The following TMEM106B variants were observed in gnomAD, a reference collection of about 807,000 sequenced individuals.
The protein encoded by TMEM106B is transmembrane protein 106B.
TMEM106B carries 15 observed loss-of-function variants against 31.1 expected under a neutral mutation model. The observed-to-expected ratio is 0.48, with a 90% CI of 0.32 to 0.74. The LOEUF is 0.74. TMEM106B is among the 30% of genes least tolerant of loss of function. TMEM106B has a pLI of 0.03. For synonymous variants in TMEM106B, 126 were observed against 112.5 expected, an observed-to-expected ratio of 1.12 and a Z score of -0.76; for missense variants, 283 against 327.3, an observed-to-expected ratio of 0.86 and a Z score of 1.04.
At position 12,243,215 on chromosome 7, in the gene TMEM106B, T is replaced by C. The variant is rs935914208; in HGVS notation, c.*11240T>C. ...TTAAAAAGTCAGTTCAGGCTTAATA[T>C]ATATGACTACTATAAGTCAACCTCA... On this transcript the variant is annotated 3_prime_UTR_variant, in exon 8 of 8. Transcript: ENST00000396668. 1 of 152,130 alleles carries C rather than the reference T, an allele frequency of 6.6e-6. No homozygotes were observed. Among genetic ancestry groups the C allele is most frequent in the African/African-American group, 2.4e-5 (1 of 41,448 alleles). 9.4% of individuals were successfully genotyped at this position (152,130 alleles called of 1,614,324 possible).
intron 4 of TMEM106B, among the ~76,000 whole-genome samples, chr7:12,227,861 C>T (rs2128526819): frequency 6.6e-6 from 1 of 151,774 alleles, no homozygotes; most frequent in South Asian, 2.1e-4. Context: ...TGTCTTAATT[C>T]TCATAAGGAT....
intron 1 of TMEM106B, among the ~76,000 whole-genome samples, chr7:12,212,492 A>G (rs1379091244): frequency 1.0e-5 from 1 of 99,754 alleles, no homozygotes; most frequent in Non-Finnish European, 2.3e-5. Flanking sequence ...ATAAATACAT[A>G]GTTTTTTTTT....
In TMEM106B at chr7:12,214,957, A is replaced by G. The variant is rs527426203; in HGVS notation, c.147A>G (p.Pro49=). The change falls in exon 2 of 8, where the codon CCA becomes CCG. Residue 49 remains proline (P), a synonymous_variant. Transcript: ENST00000396668. ...DGRNGDVSQF[P]YVEFTGRDSV... ...GAAATGGAGATGTCTCTCAGTTTCCATATGTGGAATTTACAGGAAGAGATA... is the reference window on the plus strand; with the variant it reads ...GAAATGGAGATGTCTCTCAGTTTCCGTATGTGGAATTTACAGGAAGAGATA... 38 of 1,614,088 alleles carry G rather than the reference A, an allele frequency of 2.4e-5. No individual in the cohort carries two copies. The South Asian group carries it at 3.5e-4, about 15-fold the overall frequency.
rs1429686122 is a variant in TMEM106B at position 12,242,330 on chromosome 7, G to A, written c.*10355G>A. On this transcript the variant is annotated 3_prime_UTR_variant, in exon 8 of 8. Transcript: ENST00000396668. ...GGGGCTTGCAGCGAGCCGAGATTGCGCCACTGCAGTCCGCAGTCCGGCCTG... is the reference window on the plus strand; with the variant it reads ...GGGGCTTGCAGCGAGCCGAGATTGCACCACTGCAGTCCGCAGTCCGGCCTG... The A allele has an allele frequency of 1.5e-4, 5 of 32,934 alleles. 2 individuals carry two copies. The East Asian group carries it at 8.4e-3, about 56-fold the overall frequency. The allele number at this position is 32,934 out of a possible 1,614,324, so 2.0% of individuals were successfully genotyped here. A position where few individuals can be genotyped will look rare whatever the true frequency, so the allele number is the denominator to read the frequency against.
rs1782133597 is a variant in TMEM106B, at chr7:12,236,303, G to T, written c.*4328G>T. 1 of 151,842 alleles carries T rather than the reference G, an allele frequency of 6.6e-6. No individual in the cohort carries two copies. The highest frequency in any genetic ancestry group is 6.6e-5 in the Admixed American group (1 of 15,232). 9.4% of individuals were successfully genotyped at this position (151,842 alleles called of 1,614,324 possible). A position where few individuals can be genotyped will look rare whatever the true frequency, so the allele number is the denominator to read the frequency against. On this transcript the variant is annotated 3_prime_UTR_variant, in exon 8 of 8. Transcript: ENST00000396668. ...TAAAGTTACTAAAGAGATAAAAATG[G>T]TAATTTCCATTTTTAAAAGTAATTT...
At chr7:12,225,701 A>G (rs1475378997) in intron 4 of TMEM106B, among the ~76,000 whole-genome samples, 1 of 151,994 alleles carries the variant, frequency 6.6e-6, no homozygotes, top group Non-Finnish European at 1.5e-5. Context: ...TCCTTCGCCC[A>G]CTTTTTGATG....
chr7:12,215,882 C>CGGGA (rs1781677392), intron 2 of TMEM106B: 1 of 162,480 alleles, frequency 6.2e-6, no homozygotes, highest in South Asian at 2.0e-4. Context: ...GAAATAATCC[C>CGGGA]CTGTGTGCTG....
rs1782080674 is a variant in TMEM106B, at chr7:12,234,009, A to AG, written c.*2035dup. The AG allele has an allele frequency of 6.6e-6, 1 of 151,718 alleles. No homozygotes were observed. Among genetic ancestry groups the AG allele is most frequent in the Admixed American group, 6.6e-5 (1 of 15,202 alleles). The allele number at this position is 151,718 out of a possible 1,614,324, so 9.4% of individuals were successfully genotyped here. A position where few individuals can be genotyped will look rare whatever the true frequency, so the allele number is the denominator to read the frequency against. ...TAGTGACTGTGTAAAATAAAAAAAA[A>AG]GTTATTTTATCATATCCTTTCTATT... is the stretch of plus-strand genomic sequence containing the variant. On this transcript the variant is annotated 3_prime_UTR_variant, in exon 8 of 8. Transcript: ENST00000396668.
chr7:12,216,051 A>T (rs901367575), intron 2 of TMEM106B, among the ~76,000 whole-genome samples: 4 of 152,206 alleles, frequency 2.6e-5, no homozygotes, highest in South Asian at 4.1e-4. Context: ...CCTTTTTAAG[A>T]TGCTTAAAAT....
Position 12,231,989 on chromosome 7 carries a change from T to C in TMEM106B, c.*14T>C, listed in dbSNP as rs755591210. The C allele has an allele frequency of 1.2e-6, 2 of 1,607,324 alleles. No individual in the cohort carries two copies. Among genetic ancestry groups the C allele is most frequent in the East Asian group, 2.2e-5 (1 of 44,658 alleles). ...CCACAACAGTAAAAACTGGAAGAGA[T>C]GGATTTAAAGAAGAAATATCTATTG... On this transcript the variant is annotated 3_prime_UTR_variant, in exon 8 of 8. Coordinates refer to ENST00000396668, the MANE Select transcript of TMEM106B (RefSeq NM_001134232.2).
At position 12,213,373 on chromosome 7, in the gene TMEM106B, A is replaced by G. The variant is rs980578938; in HGVS notation, c.-2-1436A>G. Among the ~76,000 whole-genome samples, 3 of 152,338 alleles carry G rather than the reference A, an allele frequency of 2.0e-5. No individual in the cohort carries two copies. The South Asian group carries it at 6.2e-4, about 32-fold the overall frequency. ...TTAAATGTTTAAAGCAAGAAATTTA[A>G]GGATGGAAAAGAGTGGTGATTGTAT... On this transcript the variant is annotated intron_variant, in intron 1 of 7. Transcript: ENST00000396668.
At chr7:12,230,637 TTTA>T (rs1369542419) in intron 6 of TMEM106B, 199 bp downstream of exon 6, 1 of 405,616 alleles carries the variant, frequency 2.5e-6, no homozygotes, top group Non-Finnish European at 4.3e-6. Flanking sequence ...AATTTGTTTT[TTTA>T]TTTATTTTTC....
At chr7:12,215,067 G>C in intron 2 of TMEM106B, 40 bp downstream of exon 2, 1 of 1,556,780 alleles carries the variant, frequency 6.4e-7, no homozygotes, top group Non-Finnish European at 8.7e-7. Context: ...AATGATTTTA[G>C]GTATTTGCTC....
Position 12,236,785 on chromosome 7 carries a change from T to G in TMEM106B, c.*4810T>G, listed in dbSNP as rs1782146133. 6.6e-6 allele frequency: 1 copy of G among 152,080 alleles called. No homozygotes were observed. The allele number at this position is 152,080 out of a possible 1,614,324, so 9.4% of individuals were successfully genotyped here. The stretch of plus-strand genomic sequence containing the variant: ...GCCAAGTTGCAAAATATGCAGATTT[T>G]TATTATATAATGGTTTTAGGCATAA... On this transcript the variant is annotated 3_prime_UTR_variant, in exon 8 of 8. Coordinates refer to ENST00000396668, the MANE Select transcript of TMEM106B (RefSeq NM_001134232.2).
intron 3 of TMEM106B, among the ~76,000 whole-genome samples, chr7:12,221,775 T>G (rs993864267): frequency 1.3e-5 from 2 of 152,072 alleles, no homozygotes; most frequent in Non-Finnish European, 2.9e-5. Flanking sequence ...AAAGCCAAAA[T>G]GACTAGAGTT....
Position 12,215,038 on chromosome 7 carries a change from T to C in TMEM106B, c.217+11T>C, listed in dbSNP as rs142813753. On this transcript the variant is annotated intron_variant, in intron 2 of 7. Transcript: ENST00000396668. ...GAAGAATTCCTAGGGGTATGTGTTA[T>C]TGTATTGTTTTCCCTTTAAATGATT... 3.7e-6 allele frequency: 6 copies of C among 1,601,624 alleles called. No homozygotes were observed. Among genetic ancestry groups the C allele is most frequent in the Non-Finnish European group, 5.1e-6 (6 of 1,173,276 alleles).
chr7:12,241,885 AT>A lies in TMEM106B; in HGVS notation c.*9913del, dbSNP rs1444153149. On this transcript the variant is annotated 3_prime_UTR_variant, in exon 8 of 8. Transcript: ENST00000396668. ...CACCAACAGTGTGTAAAAGCTTCCTATTTCTCTACATTCTCTCCAGCATCTG... is the reference window on the plus strand; with the variant it reads ...CACCAACAGTGTGTAAAAGCTTCCTATTCTCTACATTCTCTCCAGCATCTG... 2.0e-5 allele frequency: 3 copies of A among 152,074 alleles called. No individual in the cohort carries two copies. The highest frequency in any genetic ancestry group is 4.4e-5 in the Non-Finnish European group (3 of 68,030). The allele number at this position is 152,074 out of a possible 1,614,324, so 9.4% of individuals were successfully genotyped here.
rs1352908107 is a variant in TMEM106B, at chr7:12,241,311, T to G, written c.*9336T>G. The G allele has an allele frequency of 6.6e-6, 1 of 152,160 alleles. No homozygotes were observed. Among genetic ancestry groups the G allele is most frequent in the Non-Finnish European group, 1.5e-5 (1 of 68,022 alleles). The allele number at this position is 152,160 out of a possible 1,614,324, so 9.4% of individuals were successfully genotyped here. On this transcript the variant is annotated 3_prime_UTR_variant, in exon 8 of 8. Coordinates refer to ENST00000396668, the MANE Select transcript of TMEM106B (RefSeq NM_001134232.2). ...TACATGTGCAGAACGTGCAGGTTTG[T>G]TACATAGGTATACACGTGCCATGTT...
chr7:12,223,259 G>A (rs1171103154), intron 3 of TMEM106B, among the ~76,000 whole-genome samples: 1 of 152,114 alleles, frequency 6.6e-6, no homozygotes. Context: ...CTTAAAAACT[G>A]AGTATGTAAG....
Sources: allele counts gnomAD v4.1 joint callset (sites outside exome capture counted in the v4.1 genomes callset), GRCh38; gene constraint gnomAD v4.1.1; transcripts MANE v1.5; gene names NCBI Gene and HGNC (gene_info 2026-07-23, HGNC 2026-07-21).